Variants in FAF1 observed in about 807,000 individuals in gnomAD.
FAF1 encodes FAS-associated factor 1.
FAF1 carries 25 observed loss-of-function variants against 92.5 expected under a neutral mutation model. That is an observed-to-expected ratio of 0.27 (90% confidence interval 0.20 to 0.38). FAF1 has a LOEUF of 0.38. Ranked by LOEUF, FAF1 falls within the 10% of genes least tolerant of loss-of-function variation. The pLI is 1.00. For synonymous variants in FAF1, 234 were observed against 273.2 expected (o/e 0.86, Z 1.42); for missense variants, 636 against 793.3 (o/e 0.80, Z 2.38).
chr1:50,553,594 C>A (rs1254291965), intron 13 of FAF1, among the ~76,000 whole-genome samples: 1 of 152,166 alleles, frequency 6.6e-6, no homozygotes, highest in African/African-American at 2.4e-5. Context: ...TCAGATAGAA[C>A]TGTGCACAGC....
In FAF1 at chr1:50,916,270, AT is replaced by A. The variant is rs143939267; in HGVS notation, c.45+43496del. Among the ~76,000 whole-genome samples, 6 of 152,316 alleles carry A rather than the reference AT, an allele frequency of 3.9e-5. No individual in the cohort carries two copies. The East Asian group carries it at 1.2e-3, about 29-fold the overall frequency. The stretch of plus-strand genomic sequence containing the variant: ...TAACATTCTGTAACTTATTATTCCC[AT>A]CTTCTAGATGAGGAAATGACACAGG... On this transcript the variant is annotated intron_variant, in intron 1 of 18. Transcript: ENST00000396153.
chr1:50,594,970 C>A (rs1217070107), intron 9 of FAF1, among the ~76,000 whole-genome samples: 1 of 151,798 alleles, frequency 6.6e-6, no homozygotes, highest in African/African-American at 2.4e-5. Flanking sequence ...TTATCTGCCC[C>A]TTCTCTTTGT....
intron 9 of FAF1, among the ~76,000 whole-genome samples, chr1:50,585,024 G>A (rs1238261436): frequency 1.3e-5 from 2 of 152,034 alleles, no homozygotes; most frequent in African/African-American, 4.8e-5. Flanking sequence ...TCCAACCTTC[G>A]GGAAATGAAG....
intron 15 of FAF1, among the ~76,000 whole-genome samples, chr1:50,523,762 T>C (rs1647634100): frequency 6.6e-6 from 1 of 152,236 alleles, no homozygotes; most frequent in African/African-American, 2.4e-5. Context: ...ATGGTGTATA[T>C]ATACCACATT....
chr1:50,656,869 C>T (rs1050850170), intron 7 of FAF1, among the ~76,000 whole-genome samples: 30 of 151,652 alleles, frequency 2.0e-4, no homozygotes, highest in Admixed American at 1.1e-3. Context: ...GGCATCAGTG[C>T]GAGACTCTGT....
intron 1 of FAF1, among the ~76,000 whole-genome samples, chr1:50,945,662 T>C (rs1190411975): frequency 2.0e-5 from 3 of 152,220 alleles, no homozygotes; most frequent in African/African-American, 7.2e-5. Flanking sequence ...TCCAGATGGT[T>C]TGATCAGCAA....
intron 18 of FAF1, among the ~76,000 whole-genome samples, chr1:50,456,949 T>C (rs746661049): frequency 3.9e-5 from 6 of 152,198 alleles, no homozygotes; most frequent in Non-Finnish European, 7.4e-5. Flanking sequence ...TTACCTTCAC[T>C]TTGTGACTAT....
At chr1:50,902,841 G>A (rs956216266) in intron 1 of FAF1, among the ~76,000 whole-genome samples, 1 of 151,828 alleles carries the variant, frequency 6.6e-6, no homozygotes, top group Non-Finnish European at 1.5e-5. Flanking sequence ...GTTTTCTCCC[G>A]AATATTTTCA....
At chr1:50,684,112 G>T (rs546963683) in intron 7 of FAF1, among the ~76,000 whole-genome samples, 1 of 151,888 alleles carries the variant, frequency 6.6e-6, no homozygotes, top group Non-Finnish European at 1.5e-5. Flanking sequence ...AAATTGAAAG[G>T]TGAGTTAGTT....
intron 17 of FAF1, among the ~76,000 whole-genome samples, chr1:50,478,070 T>C (rs1181143413): frequency 1.3e-5 from 2 of 152,210 alleles, no homozygotes; most frequent in East Asian, 1.9e-4. Flanking sequence ...AGGGAAACCA[T>C]GAGTTGCTTG....
chr1:50,646,517 T>C (rs1051593840), intron 8 of FAF1, among the ~76,000 whole-genome samples: 14 of 152,208 alleles, frequency 9.2e-5, no homozygotes, highest in African/African-American at 3.4e-4. Context: ...AAACACTCTT[T>C]GATATAAATG....
At chr1:50,587,382 T>C (rs991411995) in intron 9 of FAF1, among the ~76,000 whole-genome samples, 30 of 152,198 alleles carry the variant, frequency 2.0e-4, no homozygotes, top group African/African-American at 6.8e-4. Context: ...AAAGTATATT[T>C]CAAATATGAA....
chr1:50,514,214 T>C (rs1019495880), intron 15 of FAF1, among the ~76,000 whole-genome samples: 1 of 152,240 alleles, frequency 6.6e-6, no homozygotes, highest in Non-Finnish European at 1.5e-5. Flanking sequence ...TATTTCTCTT[T>C]TCAGACCTTA....
chr1:50,536,873 G>GT (rs1434659479), intron 14 of FAF1, among the ~76,000 whole-genome samples: 1 of 152,174 alleles, frequency 6.6e-6, no homozygotes, highest in African/African-American at 2.4e-5. Flanking sequence ...ACTATGTAGT[G>GT]TTCTTAGAAG....
At chr1:50,779,144 T>G (rs568567977) in intron 4 of FAF1, among the ~76,000 whole-genome samples, 10 of 152,324 alleles carry the variant, frequency 6.6e-5, no homozygotes, top group African/African-American at 2.4e-4. Flanking sequence ...CTGCAGCAAT[T>G]CAGTCACGTC....
intron 7 of FAF1, among the ~76,000 whole-genome samples, chr1:50,681,698 A>G (rs1356484082): frequency 7.5e-6 from 1 of 133,018 alleles, no homozygotes; most frequent in African/African-American, 3.0e-5. Context: ...TTGTATTTTT[A>G]GTAGAGACAG....
chr1:50,743,432 A>G (rs944724290), intron 5 of FAF1, among the ~76,000 whole-genome samples: 1 of 152,026 alleles, frequency 6.6e-6, no homozygotes, highest in Non-Finnish European at 1.5e-5. Flanking sequence ...GGTTCAAGCA[A>G]TTCTCCCACC....
At chr1:50,615,722 G>A (rs1037844418) in intron 8 of FAF1, among the ~76,000 whole-genome samples, 9 of 151,940 alleles carry the variant, frequency 5.9e-5, no homozygotes, top group African/African-American at 2.2e-4. Context: ...TTTTCTGCTT[G>A]TTTGTTTCAG....
intron 17 of FAF1, among the ~76,000 whole-genome samples, chr1:50,479,528 T>C (rs186732402): frequency 6.6e-6 from 1 of 152,334 alleles, no homozygotes; most frequent in East Asian, 1.9e-4. Flanking sequence ...TCATTTTTGT[T>C]ATGATTATTC....
Sources: gnomAD v4.1 joint callset for allele counts (sites outside exome capture counted in the v4.1 genomes callset) on GRCh38, gnomAD v4.1.1 for gene constraint, MANE v1.5 for transcripts, NCBI Gene and HGNC (gene_info 2026-07-23, HGNC 2026-07-21) for gene names.